Variants in ABR observed in about 807,000 individuals in gnomAD.
ABR encodes the protein ABR activator of RhoGEF and GTPase.
A neutral mutation model predicts 107.2 loss-of-function variants in ABR; 35 were observed. The observed-to-expected ratio is 0.33, with a 90% CI of 0.25 to 0.43. The LOEUF is 0.43. ABR is among the 20% of genes least tolerant of loss of function. The pLI is 1.00. For missense variants in ABR, 815 were observed against 1,115.2 expected (o/e 0.73, Z 3.83); for synonymous variants, 498 against 462.0 (o/e 1.08, Z -1.00).
chr17:1,038,655 G>A (rs1424679585), intron 16 of ABR, among the ~76,000 whole-genome samples: 3 of 152,250 alleles, frequency 2.0e-5, no homozygotes, highest in Admixed American at 6.5e-5. Context: ...CAATGTCCAC[G>A]CCCCCAGGCC....
chr17:1,060,303 G>A (rs557004509), intron 10 of ABR, among the ~76,000 whole-genome samples: 12 of 151,896 alleles, frequency 7.9e-5, no homozygotes, highest in Non-Finnish European at 1.6e-4. Context: ...CCAGCTACTC[G>A]GGAGGCTGAG....
intron 16 of ABR, among the ~76,000 whole-genome samples, chr17:1,013,906 T>G (rs1057358): frequency 0.44 from 66,367 of 152,096 alleles, 15,068 homozygotes; most frequent in East Asian, 0.61. Context: ...TTTCTGTAAC[T>G]CGGGGGCCTT....
intron 9 of ABR, among the ~76,000 whole-genome samples, chr17:1,069,541 G>A (rs527514056): frequency 3.3e-5 from 5 of 152,096 alleles, no homozygotes; most frequent in South Asian, 4.2e-4. Flanking sequence ...GCATGGTGGC[G>A]TGCACCTGTA....
chr17:1,062,509 G>T (rs1157472415), intron 10 of ABR, among the ~76,000 whole-genome samples: 3 of 123,908 alleles, frequency 2.4e-5, no homozygotes, highest in South Asian at 2.8e-4. Flanking sequence ...TGTGAACTGA[G>T]GGATATGCAT....
At chr17:1,069,639 T>C (rs1255734540) in intron 9 of ABR, among the ~76,000 whole-genome samples, 1 of 152,064 alleles carries the variant, frequency 6.6e-6, no homozygotes, top group African/African-American at 2.4e-5. Context: ...ACCACTGCAC[T>C]CCAGCCTGGG....
In ABR at chr17:1,010,467, G is replaced by A. The variant is rs1273439317; in HGVS notation, c.2236+262C>T. 11 of 499,020 alleles carry A rather than the reference G, an allele frequency of 2.2e-5. No individual in the cohort carries two copies. The highest frequency in any genetic ancestry group is 3.6e-5 in the Non-Finnish European group (10 of 276,980). 30.9% of individuals were successfully genotyped at this position (499,020 alleles called of 1,614,324 possible). ...TGGATGCTCGAGCTTCCAAGCAAGA[G>A]GCCAACGTCCAAATAGGAAGCAGAA... is the stretch of plus-strand genomic sequence containing the variant. On this transcript the variant is annotated intron_variant, in intron 20 of 22. Transcript: ENST00000302538. This position sits in a 1 kb window ranked among gnomAD's most constrained non-coding sequence, Gnocchi z 4.1.
In ABR at chr17:1,220,745, C is replaced by T. The variant is rs184428238; in HGVS notation, c.838+8048G>A. Among the ~76,000 whole-genome samples, 139 of 152,312 alleles carry T rather than the reference C, an allele frequency of 9.1e-4. No individual in the cohort carries two copies. In the Middle Eastern group the frequency reaches 0.01, roughly 11 times the overall value. Reference sequence around the variant, plus strand: ...ACGAACCTTACACAACCAGCATTTTCCAGCACAGTAAACCAAGGCAGGGAA... The same window carrying T: ...ACGAACCTTACACAACCAGCATTTTTCAGCACAGTAAACCAAGGCAGGGAA... On this transcript the variant is annotated intron_variant, in intron 1 of 22. Coordinates refer to the ABR transcript ENST00000574139.
intron 1 of ABR, among the ~76,000 whole-genome samples, chr17:1,139,223 GC>G (rs2040195676): frequency 2.0e-5 from 3 of 151,710 alleles, no homozygotes; most frequent in African/African-American, 7.3e-5. Flanking sequence ...AGCTTGCTAG[GC>G]AGAAAAAAAA....
At chr17:1,127,706 C>A (rs567301624) in intron 1 of ABR, among the ~76,000 whole-genome samples, 5 of 152,286 alleles carry the variant, frequency 3.3e-5, no homozygotes, top group African/African-American at 1.2e-4. Context: ...GCCGGCCAAG[C>A]AGACTCTCCT....
intron 16 of ABR, among the ~76,000 whole-genome samples, chr17:1,040,347 G>A (rs2030167839): frequency 6.6e-6 from 1 of 152,222 alleles, no homozygotes; most frequent in South Asian, 2.1e-4. Flanking sequence ...GTGCTCTCCA[G>A]AGTAATTGAA....
intron 1 of ABR, among the ~76,000 whole-genome samples, chr17:1,128,762 C>A (rs1277800829): frequency 6.6e-6 from 1 of 150,634 alleles, no homozygotes; most frequent in Non-Finnish European, 1.5e-5. Context: ...CACAGTGGAG[C>A]CCACCCCAGG....
At chr17:1,065,657 C>G (rs1247033286) in intron 10 of ABR, among the ~76,000 whole-genome samples, 1 of 152,116 alleles carries the variant, frequency 6.6e-6, no homozygotes, top group Non-Finnish European at 1.5e-5. Context: ...ACACTCATTT[C>G]CAGACAGCAC....
Position 1,010,985 on chromosome 17 carries a change from C to T in ABR, c.2102-122G>A. ...CTGGTTCTGGTCTCCCCTGGAAGAG[C>T]AGGATGTAGAGAGGGCCCACAGGTG... is the stretch of plus-strand genomic sequence containing the variant. On this transcript the variant is annotated intron_variant, in intron 19 of 22. Coordinates refer to ENST00000302538, the MANE Select transcript of ABR (RefSeq NM_021962.5). The surrounding 1 kb of genome is among the most constrained non-coding windows in gnomAD (Gnocchi z 4.1). The T allele has an allele frequency of 1.5e-6, 2 of 1,363,090 alleles. No homozygotes were observed. The highest frequency in any genetic ancestry group is 2.0e-6 in the Non-Finnish European group (2 of 987,320). The allele number at this position is 1,363,090 out of a possible 1,614,324, so 84.4% of individuals were successfully genotyped here.
intron 1 of ABR, among the ~76,000 whole-genome samples, chr17:1,201,772 G>A (rs1050106365): frequency 6.6e-6 from 1 of 151,996 alleles, no homozygotes; most frequent in South Asian, 2.1e-4. Flanking sequence ...TGCCTCCCAC[G>A]TTCACGCCAT....
At position 1,084,254 on chromosome 17, in the gene ABR, G is replaced by A. The variant is rs1275585051; in HGVS notation, c.532-627C>T. On this transcript the variant is annotated intron_variant, in intron 4 of 22. Coordinates refer to ENST00000302538, the MANE Select transcript of ABR (RefSeq NM_021962.5). The surrounding 1 kb of genome is among the most constrained non-coding windows in gnomAD (Gnocchi z 4.2). Reference sequence around the variant, plus strand: ...TAGCTGGGCATGGTGGCGCGTGCCTGTAATCCCAGGTACTCAGGAGAATGA... The same window carrying A: ...TAGCTGGGCATGGTGGCGCGTGCCTATAATCCCAGGTACTCAGGAGAATGA... Among the ~76,000 whole-genome samples the A allele has an allele frequency of 1.3e-5, 2 of 152,230 alleles. No homozygotes were observed. The highest frequency in any genetic ancestry group is 2.4e-5 in the African/African-American group (1 of 41,458).
chr17:1,087,849 C>T (rs570401703), intron 4 of ABR, among the ~76,000 whole-genome samples: 40 of 152,252 alleles, frequency 2.6e-4, no homozygotes, highest in East Asian at 2.5e-3. Flanking sequence ...TCCAGGGTCA[C>T]GGTAATCTCA....
At chr17:1,115,237 G>T (rs2038928942) in intron 2 of ABR, 1 of 152,476 alleles carries the variant, frequency 6.6e-6, no homozygotes, top group Admixed American at 6.5e-5. Flanking sequence ...CACCAAGCCA[G>T]CCCAAACAAG....
chr17:1,061,754 C>A (rs966618335), intron 10 of ABR, among the ~76,000 whole-genome samples: 1 of 152,086 alleles, frequency 6.6e-6, no homozygotes, highest in Non-Finnish European at 1.5e-5. Flanking sequence ...ATGATGTTGG[C>A]CAGGCTGGTC....
intron 16 of ABR, among the ~76,000 whole-genome samples, chr17:1,028,193 C>A (rs545125203): frequency 1.3e-5 from 2 of 152,106 alleles, no homozygotes; most frequent in Admixed American, 6.5e-5. Context: ...CAGGTTCAAG[C>A]GATGCTCCTG....
Sources: allele counts gnomAD v4.1 joint callset (sites outside exome capture counted in the v4.1 genomes callset), GRCh38; gene constraint gnomAD v4.1.1; non-coding constraint Gnocchi (gnomAD v3.1); transcripts MANE v1.5; gene names NCBI Gene and HGNC (gene_info 2026-07-23, HGNC 2026-07-21).